Variants in ST3GAL6 observed in about 807,000 individuals in gnomAD.
ST3GAL6 encodes the protein type 2 lactosamine alpha-2,3-sialyltransferase.
Under a neutral mutation model 40.5 loss-of-function variants are expected in ST3GAL6, and 31 were observed. The ratio of observed to expected loss-of-function variants is 0.77; its 90% CI spans 0.58 to 1.03. The LOEUF is 1.03. ST3GAL6 is among the 50% of genes least tolerant of loss of function. The probability of loss-of-function intolerance (pLI) is 0.00; values close to 1 mark genes in which losing one functional copy is unlikely to be tolerated. For missense variants in ST3GAL6, 357 were observed against 393.2 expected, an observed-to-expected ratio of 0.91 and a Z score of 0.78; for synonymous variants, 129 against 136.9, an observed-to-expected ratio of 0.94 and a Z score of 0.40.
At chr3:98,738,844 G>A (rs1301025541) in intron 1 of ST3GAL6, among the ~76,000 whole-genome samples, 1 of 152,052 alleles carries the variant, frequency 6.6e-6, no homozygotes, top group Non-Finnish European at 1.5e-5. Context: ...GAACTTGACA[G>A]AATGTACCTA....
intron 1 of ST3GAL6, among the ~76,000 whole-genome samples, chr3:98,757,607 G>A (rs1455509790): frequency 6.6e-6 from 1 of 152,156 alleles, no homozygotes; most frequent in Admixed American, 6.5e-5. Flanking sequence ...TCTTTGTGAT[G>A]CTCCTGGACT....
chr3:98,764,996 G>A (rs893762868), intron 1 of ST3GAL6, among the ~76,000 whole-genome samples: 1 of 152,126 alleles, frequency 6.6e-6, no homozygotes, highest in South Asian at 2.1e-4. Context: ...GTATTTCTTA[G>A]AGCAGTGATT....
rs540125288 is a variant in ST3GAL6 at position 98,745,275 on chromosome 3, C to T, written c.-12+12743C>T. Among the ~76,000 whole-genome samples the T allele has an allele frequency of 2.0e-5, 3 of 152,248 alleles. No homozygotes were observed. The South Asian group carries it at 6.2e-4, about 32-fold the overall frequency. ...TCTCAAACTCCTGACCTCAGGTGAT[C>T]CACCCCCCTTGACCTCCCAAAGTCC... On this transcript the variant is annotated intron_variant, in intron 1 of 9. Transcript: ENST00000265261.
At chr3:98,746,151 G>A (rs1321616117) in intron 1 of ST3GAL6, among the ~76,000 whole-genome samples, 1 of 152,132 alleles carries the variant, frequency 6.6e-6, no homozygotes, top group African/African-American at 2.4e-5. Context: ...CATCTGCTTG[G>A]TCGGTTTTCT....
At chr3:98,773,137 T>C in intron 4 of ST3GAL6, 1 of 295,802 alleles carries the variant, frequency 3.4e-6, no homozygotes, top group Non-Finnish European at 6.2e-6. Flanking sequence ...AGATTTGTTG[T>C]TGTTGAGAAA....
chr3:98,759,117 G>A (rs373175446), upstream of ST3GAL6, among the ~76,000 whole-genome samples: 2 of 152,272 alleles, frequency 1.3e-5, no homozygotes, highest in East Asian at 3.9e-4. Flanking sequence ...TTAAATACCA[G>A]GCAAAGTGAC....
In ST3GAL6 at chr3:98,792,398, A is replaced by G. The variant is rs562102190; in HGVS notation, c.909+405A>G. Among the ~76,000 whole-genome samples the G allele has an allele frequency of 1.3e-4, 20 of 152,328 alleles. No homozygotes were observed. The South Asian group carries it at 3.1e-3, about 24-fold the overall frequency. On this transcript the variant is annotated intron_variant, in intron 9 of 9. Transcript: ENST00000483910. ...TGGTGTAGAATATTTTAACCCTACAAGAGAATCTTCATGATCAAAAAGGTT... is the reference window on the plus strand; with the variant it reads ...TGGTGTAGAATATTTTAACCCTACAGGAGAATCTTCATGATCAAAAAGGTT...
At chr3:98,733,114 A>T in intron 1 of ST3GAL6, 1 of 1,330,310 alleles carries the variant, frequency 7.5e-7, no homozygotes. Context: ...TCTGAGGCTC[A>T]GGGTTGGGGG....
chr3:98,732,767 C>T (rs978626617), intron 1 of ST3GAL6: 5 of 1,253,238 alleles, frequency 4.0e-6, no homozygotes, highest in African/African-American at 1.6e-5. Context: ...CTCCTCTGCT[C>T]CCCCGCCAGA....
At chr3:98,785,922 C>T (rs1242678159) in intron 6 of ST3GAL6, among the ~76,000 whole-genome samples, 2 of 151,992 alleles carry the variant, frequency 1.3e-5, no homozygotes, top group South Asian at 2.1e-4. Context: ...ATAGAGTTAT[C>T]GGGATTTGTT....
chr3:98,790,950 A>G (rs1374033129), intron 8 of ST3GAL6, among the ~76,000 whole-genome samples: 1 of 152,196 alleles, frequency 6.6e-6, no homozygotes, highest in Non-Finnish European at 1.5e-5. Context: ...CTTTCGGACA[A>G]GTTTGCCTCC....
intron 8 of ST3GAL6, among the ~76,000 whole-genome samples, chr3:98,789,771 G>A (rs558760320): frequency 6.6e-6 from 1 of 152,290 alleles, no homozygotes; most frequent in Admixed American, 6.5e-5. Context: ...CCTAAGTGAA[G>A]TATGATCAGG....
At chr3:98,791,544 T>C (rs1375578100) in intron 8 of ST3GAL6, among the ~76,000 whole-genome samples, 2 of 152,220 alleles carry the variant, frequency 1.3e-5, no homozygotes, top group Non-Finnish European at 2.9e-5. Context: ...TACAGCAACA[T>C]TCTCTTCCTT....
At chr3:98,768,743 T>G (rs1938645504) in intron 2 of ST3GAL6, among the ~76,000 whole-genome samples, 1 of 152,226 alleles carries the variant, frequency 6.6e-6, no homozygotes, top group Non-Finnish European at 1.5e-5. Flanking sequence ...TCTATTGACT[T>G]CCCAGGGAAG....
intron 2 of ST3GAL6, among the ~76,000 whole-genome samples, 193 bp downstream of exon 2, chr3:98,768,722 A>C (rs1357972147): frequency 6.6e-6 from 1 of 152,198 alleles, no homozygotes; most frequent in Non-Finnish European, 1.5e-5. Context: ...GTTGACAAGC[A>C]ACACCTACTT....
chr3:98,750,563 C>CTTT (rs34993293), intron 1 of ST3GAL6, among the ~76,000 whole-genome samples: 10 of 143,090 alleles, frequency 7.0e-5, no homozygotes, highest in African/African-American at 2.6e-4. Flanking sequence ...CACTGGCATT[C>CTTT]TTTTTTTTTT....
At chr3:98,785,399 C>T (rs1002154905) in intron 6 of ST3GAL6, among the ~76,000 whole-genome samples, 5 of 152,174 alleles carry the variant, frequency 3.3e-5, no homozygotes, top group Non-Finnish European at 5.9e-5. Flanking sequence ...CTTTGAATGG[C>T]TCCTTTGTAA....
intron 1 of ST3GAL6, among the ~76,000 whole-genome samples, chr3:98,749,585 A>C (rs1936830195): frequency 6.6e-6 from 1 of 152,238 alleles, no homozygotes; most frequent in African/African-American, 2.4e-5. Context: ...ATTCAGAATA[A>C]ATTGGCATAA....
At chr3:98,762,988 C>T (rs910924423), upstream of ST3GAL6, 62 of 985,240 alleles carry the variant, frequency 6.3e-5, no homozygotes, top group East Asian at 2.3e-4. Context: ...GCTGATCTCA[C>T]GCATTTGGAC....
Sources: allele counts gnomAD v4.1 joint callset (sites outside exome capture counted in the v4.1 genomes callset), GRCh38; gene constraint gnomAD v4.1.1; transcripts MANE v1.5; gene names NCBI Gene and HGNC (gene_info 2026-07-23, HGNC 2026-07-21).